Variants in COBL observed in about 807,000 individuals in gnomAD.
COBL encodes the protein protein cordon-bleu.
A neutral mutation model predicts 98.8 loss-of-function variants in COBL; 51 were observed. The ratio of observed to expected loss-of-function variants is 0.52; its 90% confidence interval spans 0.41 to 0.65. COBL has a LOEUF of 0.65. Among genes scored for constraint, COBL ranks in the 30% least tolerant of loss-of-function variants. The pLI, the probability that COBL is intolerant of heterozygous loss-of-function variation, is 0.00. For missense variants in COBL, 1,617 were observed against 1,617.5 expected (o/e 1.00, Z 0.01); for synonymous variants, 634 against 651.7 (o/e 0.97, Z 0.41).
intron 4 of COBL, among the ~76,000 whole-genome samples, chr7:51,188,896 AC>A (rs1227262550): frequency 7.2e-5 from 11 of 152,250 alleles, no homozygotes; most frequent in Non-Finnish European, 2.9e-5. Context: ...CTTTCAAGAT[AC>A]ATCCAAGTGG....
intron 5 of COBL, among the ~76,000 whole-genome samples, chr7:51,158,102 G>T (rs1438789318): frequency 6.6e-6 from 1 of 152,194 alleles, no homozygotes; most frequent in Non-Finnish European, 1.5e-5. Flanking sequence ...GTGTTTCTTA[G>T]TCGTTAACAA....
At chr7:51,175,877 G>C (rs1562997601) in intron 5 of COBL, among the ~76,000 whole-genome samples, 1 of 152,206 alleles carries the variant, frequency 6.6e-6, no homozygotes, top group Non-Finnish European at 1.5e-5. Flanking sequence ...CAGTGCCAGG[G>C]AATCTAGGTG....
At chr7:51,313,221 T>C (rs1563157146) in intron 1 of COBL, among the ~76,000 whole-genome samples, 1 of 150,894 alleles carries the variant, frequency 6.6e-6, no homozygotes, top group East Asian at 2.1e-4. Flanking sequence ...AACCTAAGCT[T>C]CCTATTATGG....
chr7:51,177,785 A>AATAC (rs1457950192), intron 5 of COBL, among the ~76,000 whole-genome samples: 1 of 146,870 alleles, frequency 6.8e-6, no homozygotes, highest in Non-Finnish European at 1.5e-5. Flanking sequence ...AAAATAAATA[A>AATAC]ATAAATAAAT....
intron 2 of COBL, among the ~76,000 whole-genome samples, chr7:51,208,515 G>C (rs941994408): frequency 4.6e-5 from 7 of 151,488 alleles, no homozygotes; most frequent in African/African-American, 1.7e-4. Context: ...CCCCTGCTGG[G>C]AAGTGAGGAG....
intron 5 of COBL, among the ~76,000 whole-genome samples, chr7:51,139,379 T>A (rs1030077770): frequency 6.6e-6 from 1 of 152,162 alleles, no homozygotes; most frequent in African/African-American, 2.4e-5. Flanking sequence ...GTGCACCCCA[T>A]CCCAGTCCTC....
chr7:51,228,455 C>T (rs1399785060), intron 1 of COBL, among the ~76,000 whole-genome samples: 1 of 151,624 alleles, frequency 6.6e-6, no homozygotes, highest in Non-Finnish European at 1.5e-5. Flanking sequence ...TAGAAGCTGG[C>T]TCCTCAAAAT....
At chr7:51,315,217 G>C (rs1289568040) in intron 1 of COBL, among the ~76,000 whole-genome samples, 1 of 148,522 alleles carries the variant, frequency 6.7e-6, no homozygotes, top group Non-Finnish European at 1.5e-5. Context: ...TGGGGAATTT[G>C]TTTGTTCAAA....
At chr7:51,088,397 ACT>A (rs755754155) in intron 6 of COBL, among the ~76,000 whole-genome samples, 1 of 115,282 alleles carries the variant, frequency 8.7e-6, no homozygotes, top group Non-Finnish European at 1.8e-5. Flanking sequence ...TAAATTAGTT[ACT>A]GTTTTTTTTT....
chr7:51,297,011 G>A lies in COBL; in HGVS notation c.41+19582C>T, dbSNP rs375650767. Among the ~76,000 whole-genome samples, 90 of 152,250 alleles carry A rather than the reference G, an allele frequency of 5.9e-4. No individual in the cohort carries two copies. The South Asian group carries it at 0.015, about 26-fold the overall frequency. Reference sequence around the variant, plus strand: ...GGATCATCTTTAGCCAAGGCTGGACGTCTGAATCACCAGGGAAGCACCCTC... The same window carrying A: ...GGATCATCTTTAGCCAAGGCTGGACATCTGAATCACCAGGGAAGCACCCTC... On this transcript the variant is annotated intron_variant, in intron 1 of 12. Transcript: ENST00000265136.
intron 4 of COBL, among the ~76,000 whole-genome samples, chr7:51,189,893 T>C (rs1789927121): frequency 6.6e-6 from 1 of 152,198 alleles, no homozygotes; most frequent in South Asian, 2.1e-4. Context: ...TAGCACTCTA[T>C]ATCAATCAGA....
intron 4 of COBL, among the ~76,000 whole-genome samples, chr7:51,184,994 C>T (rs755780406): frequency 1.2e-4 from 18 of 152,188 alleles, no homozygotes; most frequent in Non-Finnish European, 7.3e-5. Flanking sequence ...GCATCCAGAA[C>T]GTTTTCCTTT....
intron 1 of COBL, among the ~76,000 whole-genome samples, chr7:51,286,192 C>T (rs560517941): frequency 3.3e-5 from 5 of 149,370 alleles, no homozygotes; most frequent in Non-Finnish European, 5.9e-5. Flanking sequence ...CTGGGTTAGG[C>T]AAGAGTTCCT....
Position 51,310,514 on chromosome 7 carries a change from G to A in COBL, c.41+6079C>T, listed in dbSNP as rs115413532. 8.1e-3 allele frequency among the ~76,000 whole-genome samples: 1,234 copies of A among 152,304 alleles called. 21 individuals are homozygous for A. Among genetic ancestry groups the A allele is most frequent in the African/African-American group, 0.028 (1,177 of 41,546 alleles). ...CGGCAGCCTCTGTCTGGAGAGAGGT[G>A]GGAGCATCTCTAAGGCAATGGCTCC... On this transcript the variant is annotated intron_variant, in intron 1 of 12. Transcript: ENST00000265136.
chr7:51,243,555 T>G (rs1389127021), intron 1 of COBL, among the ~76,000 whole-genome samples: 1 of 152,216 alleles, frequency 6.6e-6, no homozygotes. Context: ...GGTGCACCCG[T>G]GCCACGGGCT....
At chr7:51,291,696 G>A (rs537339875) in intron 1 of COBL, among the ~76,000 whole-genome samples, 14 of 152,254 alleles carry the variant, frequency 9.2e-5, no homozygotes, top group African/African-American at 2.2e-4. Flanking sequence ...AGGAAGTGGA[G>A]GTTGCAGTGA....
Position 51,300,351 on chromosome 7 carries a change from G to A in COBL, c.41+16242C>T, listed in dbSNP as rs531283425. 3.9e-5 allele frequency among the ~76,000 whole-genome samples: 6 copies of A among 152,144 alleles called. No homozygotes were observed. The South Asian group carries it at 8.3e-4, about 21-fold the overall frequency. On this transcript the variant is annotated intron_variant, in intron 1 of 12. Transcript: ENST00000265136. ...TATTTTTATATTTTTAGTAGCGATG[G>A]GGTTTCACCATGTTGGCCAGGCTGG...
intron 6 of COBL, among the ~76,000 whole-genome samples, chr7:51,106,871 CT>C (rs11334432): frequency 0.57 from 86,339 of 151,480 alleles, 24,688 homozygotes; most frequent in Middle Eastern, 0.72. Flanking sequence ...TGTTTAAGTC[CT>C]TTTTTTTTCT....
At chr7:51,272,483 T>A (rs1798849930) in intron 1 of COBL, among the ~76,000 whole-genome samples, 1 of 152,220 alleles carries the variant, frequency 6.6e-6, no homozygotes, top group South Asian at 2.1e-4. Flanking sequence ...ATCATCAGTA[T>A]TTATCTCCCT....
Sources: allele counts gnomAD v4.1 joint callset (sites outside exome capture counted in the v4.1 genomes callset), GRCh38; gene constraint gnomAD v4.1.1; transcripts MANE v1.5; gene names NCBI Gene and HGNC (gene_info 2026-07-23, HGNC 2026-07-21).